ADGRL2: variants seen among roughly 807,000 people sequenced by gnomAD.
ADGRL2 encodes the protein calcium-independent alpha-latrotoxin receptor 2.
Under a neutral mutation model 157.4 loss-of-function variants are expected in ADGRL2, and 44 were observed. That is an observed-to-expected ratio of 0.28 (90% confidence interval 0.22 to 0.36). The LOEUF (loss-of-function observed/expected upper bound fraction) is 0.36. ADGRL2 is among the 10% of genes least tolerant of loss of function. The pLI is 1.00. For synonymous variants in ADGRL2, 585 were observed against 624.7 expected (o/e 0.94, Z 0.95); for missense variants, 1,510 against 1,768.9 (o/e 0.85, Z 2.63).
chr1:81,657,086 G>A (rs2082551256), intron 3 of ADGRL2, among the ~76,000 whole-genome samples: 1 of 151,552 alleles, frequency 6.6e-6, no homozygotes, highest in Non-Finnish European at 1.5e-5. Context: ...GCTCCAATAT[G>A]AGCCAGTAAT....
chr1:81,968,982 G>A (rs888897732), intron 14 of ADGRL2, among the ~76,000 whole-genome samples, 196 bp from the exon 15 acceptor site: 2 of 151,994 alleles, frequency 1.3e-5, no homozygotes, highest in Admixed American at 1.3e-4. Context: ...CATTTTTTAA[G>A]TATAAAAGAC....
intron 1 of ADGRL2, among the ~76,000 whole-genome samples, chr1:81,738,388 TCAA>T (rs751053656): frequency 6.6e-6 from 1 of 150,884 alleles, no homozygotes; most frequent in Non-Finnish European, 1.5e-5. Context: ...CAGGGACAGC[TCAA>T]CAACAAGGAA....
At chr1:81,340,820 C>G (rs1004788857) in intron 1 of ADGRL2, among the ~76,000 whole-genome samples, 1 of 151,824 alleles carries the variant, frequency 6.6e-6, no homozygotes, top group Non-Finnish European at 1.5e-5. Flanking sequence ...TAGAACAAAC[C>G]TTATTTAGGT....
intron 3 of ADGRL2, among the ~76,000 whole-genome samples, chr1:81,908,850 C>T (rs964404725): frequency 1.3e-5 from 2 of 149,988 alleles, no homozygotes; most frequent in Non-Finnish European, 3.0e-5. Flanking sequence ...GTATACTTAA[C>T]TGTCATCTGT....
chr1:81,539,116 G>T (rs1366472824), intron 2 of ADGRL2, among the ~76,000 whole-genome samples: 1 of 151,906 alleles, frequency 6.6e-6, no homozygotes, highest in Middle Eastern at 3.2e-3. Flanking sequence ...ACAGAATTAG[G>T]TGTGCATATT....
chr1:81,378,499 G>GTAGT (rs780574077), intron 1 of ADGRL2, among the ~76,000 whole-genome samples: 2 of 148,618 alleles, frequency 1.3e-5, no homozygotes, highest in Non-Finnish European at 3.0e-5. Context: ...GTTCCAGACT[G>GTAGT]CAGTGAGTTG....
intron 17 of ADGRL2, among the ~76,000 whole-genome samples, chr1:81,978,066 T>G (rs1488528628): frequency 6.6e-6 from 1 of 151,488 alleles, no homozygotes; most frequent in East Asian, 1.9e-4. Flanking sequence ...AAAGCTAGTG[T>G]TGCATAAAAT....
intron 1 of ADGRL2, among the ~76,000 whole-genome samples, chr1:81,428,981 C>T (rs563633826): frequency 9.8e-4 from 149 of 152,236 alleles, no homozygotes; most frequent in South Asian, 7.5e-3. Context: ...TGAGCCACCA[C>T]GATGTTCTGA....
intron 1 of ADGRL2, chr1:81,426,661 C>A (rs1168273028): frequency 6.4e-6 from 3 of 466,364 alleles, no homozygotes; most frequent in Admixed American, 2.4e-5. Context: ...TAATGAGACA[C>A]CCCCAAAGAA....
intron 3 of ADGRL2, among the ~76,000 whole-genome samples, chr1:81,600,366 A>G (rs1294468397): frequency 6.6e-6 from 1 of 152,226 alleles, no homozygotes; most frequent in African/African-American, 2.4e-5. Context: ...TCTTCTCAAT[A>G]TAGCTCATTT....
intron 1 of ADGRL2, among the ~76,000 whole-genome samples, chr1:81,743,001 G>A (rs1330450594): frequency 6.6e-6 from 1 of 151,844 alleles, no homozygotes; most frequent in Non-Finnish European, 1.5e-5. Context: ...TTAAAGACAA[G>A]AGGGACAGGG....
chr1:81,327,267 T>G (rs1660968812), intron 1 of ADGRL2, among the ~76,000 whole-genome samples: 1 of 152,150 alleles, frequency 6.6e-6, no homozygotes, highest in Admixed American at 6.5e-5. Context: ...GAAGGACATG[T>G]GCTATTGAGA....
intron 1 of ADGRL2, chr1:81,761,673 A>G (rs1269895567): frequency 6.7e-6 from 1 of 149,086 alleles, no homozygotes; most frequent in Admixed American, 6.8e-5. Flanking sequence ...TATATGTTCA[A>G]GAATTCTTAG....
chr1:81,341,766 G>A (rs1353287658), intron 1 of ADGRL2, among the ~76,000 whole-genome samples: 5 of 152,050 alleles, frequency 3.3e-5, no homozygotes, highest in Non-Finnish European at 7.4e-5. Context: ...TATCTATGAT[G>A]TACCTGCCTG....
At chr1:81,657,314 G>A (rs561142322) in intron 3 of ADGRL2, among the ~76,000 whole-genome samples, 59 of 152,106 alleles carry the variant, frequency 3.9e-4, no homozygotes, top group Middle Eastern at 3.2e-3. Flanking sequence ...GCTTTGTGTG[G>A]ACAAATAGAT....
chr1:81,390,569 C>T (rs1231874631), intron 1 of ADGRL2, among the ~76,000 whole-genome samples: 1 of 151,204 alleles, frequency 6.6e-6, no homozygotes, highest in East Asian at 1.9e-4. Flanking sequence ...CAGTAAATGC[C>T]CTCCCTCCTA....
At chr1:81,584,173 A>G (rs1376762354) in intron 3 of ADGRL2, among the ~76,000 whole-genome samples, 1 of 152,120 alleles carries the variant, frequency 6.6e-6, no homozygotes, top group Non-Finnish European at 1.5e-5. Context: ...CTAATAAACT[A>G]ACTTCACCCC....
chr1:81,609,145 T>C (rs2081491651), intron 3 of ADGRL2, among the ~76,000 whole-genome samples: 1 of 152,062 alleles, frequency 6.6e-6, no homozygotes, highest in African/African-American at 2.4e-5. Context: ...GTTCAAGTGA[T>C]TCTCGTGCCT....
intron 1 of ADGRL2, among the ~76,000 whole-genome samples, chr1:81,310,126 A>T (rs1056570930): frequency 6.6e-6 from 1 of 152,198 alleles, no homozygotes; most frequent in Non-Finnish European, 1.5e-5. Context: ...AGAAAAGCAG[A>T]TAAAGAAAAG....
Sources: allele counts gnomAD v4.1 joint callset (sites outside exome capture counted in the v4.1 genomes callset), GRCh38; gene constraint gnomAD v4.1.1; transcripts MANE v1.5; gene names NCBI Gene and HGNC (gene_info 2026-07-23, HGNC 2026-07-21).